The following TTC28 variants were observed in gnomAD, a reference collection of about 807,000 sequenced individuals.
TTC28 encodes tetratricopeptide repeat domain 28, also known as tetratricopeptide repeat protein 28.
A neutral mutation model predicts 198.0 loss-of-function variants in TTC28; 61 were observed. The ratio of observed to expected loss-of-function variants is 0.31; its 90% CI spans 0.25 to 0.38. The LOEUF (loss-of-function observed/expected upper bound fraction) is 0.38, where lower values mean the gene tolerates loss of function less well. TTC28 is among the 10% of genes least tolerant of loss of function. The pLI is 1.00. For synonymous variants in TTC28, 1,171 were observed against 1,297.8 expected (o/e 0.90, Z 2.10); for missense variants, 2,678 against 3,164.0 (o/e 0.85, Z 3.69).
intron 22 of TTC28, among the ~76,000 whole-genome samples, chr22:27,984,860 A>T (rs1351022759): frequency 1.3e-5 from 2 of 152,178 alleles, no homozygotes; most frequent in Admixed American, 6.5e-5. Context: ...CTTGGCCCTT[A>T]AGAACATCAG....
At chr22:28,404,677 T>G (rs925128314) in intron 2 of TTC28, among the ~76,000 whole-genome samples, 3 of 152,228 alleles carry the variant, frequency 2.0e-5, no homozygotes, top group Non-Finnish European at 4.4e-5. Context: ...CAGATGTACC[T>G]CTATGACAAC....
At chr22:28,533,595 T>C (rs1051095460) in intron 2 of TTC28, among the ~76,000 whole-genome samples, 7 of 152,216 alleles carry the variant, frequency 4.6e-5, no homozygotes, top group Non-Finnish European at 1.0e-4. Context: ...AGAGCCTGCA[T>C]TGCCAAGACA....
At chr22:28,262,403 GT>G in intron 5 of TTC28, among the ~76,000 whole-genome samples, 1 of 152,178 alleles carries the variant, frequency 6.6e-6, no homozygotes, top group East Asian at 1.9e-4. Context: ...TAGAAAAATA[GT>G]TTTCCATATG....
intron 1 of TTC28, among the ~76,000 whole-genome samples, chr22:28,673,780 A>T (rs944844481): frequency 1.3e-5 from 2 of 152,224 alleles, no homozygotes; most frequent in Non-Finnish European, 1.5e-5. Context: ...TCCAAGCATC[A>T]TATTTGTATC....
chr22:28,338,375 G>A (rs1042671910), intron 2 of TTC28, among the ~76,000 whole-genome samples: 2 of 152,124 alleles, frequency 1.3e-5, no homozygotes, highest in African/African-American at 4.8e-5. Flanking sequence ...TCCTGAATTT[G>A]AATATTGGCC....
chr22:28,607,222 T>C (rs968906374), intron 2 of TTC28, among the ~76,000 whole-genome samples: 8 of 152,184 alleles, frequency 5.3e-5, no homozygotes, highest in Non-Finnish European at 1.2e-4. Flanking sequence ...AACTATTTAT[T>C]TGGGTTTTCA....
intron 5 of TTC28, among the ~76,000 whole-genome samples, chr22:28,187,108 G>A (rs962461273): frequency 6.6e-5 from 10 of 152,144 alleles, no homozygotes; most frequent in African/African-American, 2.4e-4. Flanking sequence ...TCATTCTGTA[G>A]TTGTTTATGT....
chr22:28,642,554 C>A (rs2051386510), intron 1 of TTC28, among the ~76,000 whole-genome samples: 1 of 152,180 alleles, frequency 6.6e-6, no homozygotes. Context: ...TGCAACTATT[C>A]AAACCAGTGA....
chr22:28,166,179 C>G (rs1471792798), intron 5 of TTC28, among the ~76,000 whole-genome samples: 1 of 152,132 alleles, frequency 6.6e-6, no homozygotes, highest in Non-Finnish European at 1.5e-5. Flanking sequence ...ATAAAGCAAG[C>G]CCTTAGTGGC....
chr22:27,986,318 T>C (rs1421379491), intron 21 of TTC28: 1 of 152,396 alleles, frequency 6.6e-6, no homozygotes, highest in Non-Finnish European at 1.5e-5. Flanking sequence ...CCTTCCGCCA[T>C]GATTGTAAGT....
chr22:27,992,368 G>T, intron 19 of TTC28: 1 of 571,244 alleles, frequency 1.8e-6, no homozygotes, highest in Non-Finnish European at 3.1e-6. Context: ...GGGCAGTGCC[G>T]CTGGCACGGA....
rs751113738 is a variant in TTC28, at chr22:28,005,047, T to C, written c.4219-3494A>G. ...CAACAGATTCCATCAAAGACTCAGA[T>C]GTTCTGACCTCTGCAGTTTCTAGTA... is the stretch of plus-strand genomic sequence containing the variant. On this transcript the variant is annotated intron_variant, in intron 14 of 22. Transcript: ENST00000397906. This position sits in a 1 kb window ranked among gnomAD's most constrained non-coding sequence, Gnocchi z 4.9. Among the ~76,000 whole-genome samples the C allele has an allele frequency of 2.6e-5, 4 of 152,174 alleles. No homozygotes were observed. Among genetic ancestry groups the C allele is most frequent in the Non-Finnish European group, 4.4e-5 (3 of 68,028 alleles).
At chr22:28,306,814 T>C (rs2045156127) in intron 2 of TTC28, among the ~76,000 whole-genome samples, 171 bp from the exon 3 acceptor site, 1 of 152,242 alleles carries the variant, frequency 6.6e-6, no homozygotes, top group Non-Finnish European at 1.5e-5. Context: ...ATAAGCATAC[T>C]TTTATCAGGC....
chr22:28,084,987 C>A (rs191148520), intron 12 of TTC28, among the ~76,000 whole-genome samples: 3 of 151,950 alleles, frequency 2.0e-5, no homozygotes, highest in African/African-American at 7.2e-5. Flanking sequence ...AATGAACAAA[C>A]CCTCCAAGAA....
At chr22:28,227,108 A>G (rs936104393) in intron 5 of TTC28, among the ~76,000 whole-genome samples, 10 of 151,690 alleles carry the variant, frequency 6.6e-5, no homozygotes, top group African/African-American at 1.9e-4. Context: ...TTTTATTTTT[A>G]TTTTTTTAGA....
chr22:28,579,173 T>C (rs1391086257), intron 2 of TTC28, among the ~76,000 whole-genome samples: 1 of 151,114 alleles, frequency 6.6e-6, no homozygotes, highest in Non-Finnish European at 1.5e-5. Flanking sequence ...CAGCTACACG[T>C]ATGTATAGTT....
chr22:28,594,419 G>A (rs189112492), intron 2 of TTC28, among the ~76,000 whole-genome samples: 15 of 151,956 alleles, frequency 9.9e-5, no homozygotes, highest in Non-Finnish European at 1.5e-4. Flanking sequence ...GAAACCTTCT[G>A]AGGTCTGGGG....
chr22:28,426,654 C>T (rs1371660330), intron 2 of TTC28, among the ~76,000 whole-genome samples: 1 of 152,162 alleles, frequency 6.6e-6, no homozygotes, highest in Non-Finnish European at 1.5e-5. Context: ...TTAGATCCTG[C>T]TCTTTCCCCC....
At chr22:28,584,910 T>C (rs1158644942) in intron 2 of TTC28, among the ~76,000 whole-genome samples, 2 of 152,192 alleles carry the variant, frequency 1.3e-5, no homozygotes, top group African/African-American at 2.4e-5. Context: ...AATGGTAAAC[T>C]TGGACTGAGA....
Sources: gnomAD v4.1 joint callset for allele counts (sites outside exome capture counted in the v4.1 genomes callset) on GRCh38, gnomAD v4.1.1 for gene constraint, Gnocchi (gnomAD v3.1) non-coding constraint, MANE v1.5 for transcripts, NCBI Gene and HGNC (gene_info 2026-07-23, HGNC 2026-07-21) for gene names.